The following FOXP1 variants were observed in gnomAD, a reference collection of about 807,000 sequenced individuals.
FOXP1 encodes the protein forkhead box protein P1.
In FOXP1, 15 loss-of-function variants were observed where a neutral mutation model predicts 98.2. The ratio of observed to expected loss-of-function variants is 0.15; its 90% CI spans 0.10 to 0.24. FOXP1 has a LOEUF of 0.24. Ranked by LOEUF, FOXP1 falls within the 10% of genes least tolerant of loss-of-function variation. The pLI is 1.00. For synonymous variants in FOXP1, 371 were observed against 314.5 expected (o/e 1.18, Z -1.90); for missense variants, 633 against 848.5 (o/e 0.75, Z 3.15).
chr3:71,008,080 T>C lies in FOXP1; in HGVS notation c.975-7021A>G, dbSNP rs189987634. ...GCAAGGATACAAATGATACTTTTAG[T>C]AGACGTTATACAAGTGGTCACTTAA... is the stretch of plus-strand genomic sequence containing the variant. On this transcript the variant is annotated intron_variant, in intron 12 of 20. Transcript: ENST00000649528. 7.9e-5 allele frequency among the ~76,000 whole-genome samples: 12 copies of C among 152,302 alleles called. No individual in the cohort carries two copies. In the East Asian group the frequency reaches 2.3e-3, roughly 29 times the overall value.
intron 17 of FOXP1, among the ~76,000 whole-genome samples, chr3:70,973,248 C>CCGCCCT (rs1203079049): frequency 2.0e-5 from 3 of 149,710 alleles, no homozygotes; most frequent in Admixed American, 1.3e-4. Flanking sequence ...GCCCCCGCCC[C>CCGCCCT]GCCCCGCCCC....
chr3:71,310,373 G>C (rs941640799), intron 4 of FOXP1, among the ~76,000 whole-genome samples: 2 of 152,158 alleles, frequency 1.3e-5, no homozygotes, highest in African/African-American at 4.8e-5. Flanking sequence ...ATCTCAGTTT[G>C]GGTAAAACCA....
At chr3:71,196,554 A>C (rs2063314557) in intron 6 of FOXP1, among the ~76,000 whole-genome samples, 1 of 152,234 alleles carries the variant, frequency 6.6e-6, no homozygotes, top group African/African-American at 2.4e-5. Flanking sequence ...TAGTAGCCCC[A>C]TATCAAGTGC....
intron 2 of FOXP1, among the ~76,000 whole-genome samples, chr3:71,530,261 G>A (rs527399657): frequency 6.2e-4 from 94 of 152,122 alleles, no homozygotes; most frequent in African/African-American, 2.0e-3. Context: ...TTGTCACCTC[G>A]GGAGTGGGTT....
intron 5 of FOXP1, among the ~76,000 whole-genome samples, chr3:71,242,262 C>T (rs1380923308): frequency 2.6e-5 from 4 of 152,172 alleles, no homozygotes; most frequent in Admixed American, 1.3e-4. Context: ...TTTTTTTCCT[C>T]ATTCCAGCCC....
intron 11 of FOXP1, among the ~76,000 whole-genome samples, chr3:71,033,271 T>TG (rs1490380176): frequency 6.6e-6 from 1 of 151,868 alleles, no homozygotes; most frequent in Non-Finnish European, 1.5e-5. Context: ...GTGAAAGAAA[T>TG]GGGGGGTCCA....
chr3:71,545,239 C>CT (rs1404075860), intron 2 of FOXP1, among the ~76,000 whole-genome samples: 28 of 152,284 alleles, frequency 1.8e-4, no homozygotes, highest in African/African-American at 5.8e-4. Flanking sequence ...CAGCCACTTT[C>CT]TAGTTGAGTA....
intron 2 of FOXP1, among the ~76,000 whole-genome samples, chr3:71,558,371 C>T (rs1237133503): frequency 6.6e-6 from 1 of 152,216 alleles, no homozygotes; most frequent in Non-Finnish European, 1.5e-5. Context: ...TTAAGCCAAT[C>T]AGGGAATGAC....
intron 3 of FOXP1, among the ~76,000 whole-genome samples, chr3:71,397,901 G>A (rs1202595968): frequency 6.6e-6 from 1 of 152,106 alleles, no homozygotes; most frequent in Non-Finnish European, 1.5e-5. Flanking sequence ...CATTTTACAG[G>A]GATGCAAGGG....
chr3:71,488,804 C>T (rs1349325371), intron 3 of FOXP1, among the ~76,000 whole-genome samples: 10 of 152,218 alleles, frequency 6.6e-5, no homozygotes, highest in Admixed American at 5.2e-4. Context: ...AATCTAGCCT[C>T]TCTTTATGGT....
upstream of FOXP1, chr3:71,583,888 G>A (rs1415808325): frequency 2.0e-6 from 2 of 984,966 alleles, no homozygotes; most frequent in Admixed American, 6.2e-5. Context: ...TCCCGCAGGG[G>A]TCCCCTCTCC....
intron 5 of FOXP1, among the ~76,000 whole-genome samples, chr3:71,238,385 C>T (rs529467842): frequency 2.6e-5 from 4 of 152,066 alleles, no homozygotes; most frequent in Admixed American, 2.6e-4. Flanking sequence ...ACACTACTGC[C>T]GTTCAATAAA....
chr3:71,124,343 C>A (rs1314884926), intron 6 of FOXP1, among the ~76,000 whole-genome samples: 1 of 149,130 alleles, frequency 6.7e-6, no homozygotes, highest in Non-Finnish European at 1.5e-5. Context: ...TTTTTTTCCT[C>A]TCTGGAGAGA....
chr3:71,302,545 G>GTTTT (rs2073938318), intron 4 of FOXP1, among the ~76,000 whole-genome samples: 1 of 142,238 alleles, frequency 7.0e-6, no homozygotes, highest in Non-Finnish European at 1.5e-5. Context: ...AAAGATAAAA[G>GTTTT]AAATACATTC....
At chr3:71,493,274 G>C (rs1239619857) in intron 3 of FOXP1, among the ~76,000 whole-genome samples, 152 bp downstream of exon 3, 1 of 152,114 alleles carries the variant, frequency 6.6e-6, no homozygotes, top group Non-Finnish European at 1.5e-5. Context: ...ATCACCGCAG[G>C]AATTATCTGA....
chr3:71,519,464 G>C (rs966182753), intron 2 of FOXP1, among the ~76,000 whole-genome samples: 16 of 152,086 alleles, frequency 1.1e-4, no homozygotes, highest in African/African-American at 3.9e-4. Flanking sequence ...AAATGCCAAA[G>C]CACAGAGCCT....
chr3:71,371,087 AC>A lies in FOXP1; in HGVS notation c.-167-11844del, dbSNP rs1490314039. 7.9e-5 allele frequency among the ~76,000 whole-genome samples: 12 copies of A among 151,954 alleles called. No homozygotes were observed. In the South Asian group the frequency reaches 2.5e-3, roughly 32 times the overall value. ...CGTGAACCACTGCGCCTGGCCCCCA[AC>A]CCCAGAGTTTCTGATTCACTATGGC... On this transcript the variant is annotated intron_variant, in intron 3 of 20. Transcript: ENST00000649528.
At chr3:71,526,979 A>G (rs2107505469) in intron 2 of FOXP1, among the ~76,000 whole-genome samples, 1 of 152,162 alleles carries the variant, frequency 6.6e-6, no homozygotes, top group African/African-American at 2.4e-5. Context: ...AAAAAAAAAA[A>G]AAAAAAAGTT....
intron 6 of FOXP1, among the ~76,000 whole-genome samples, chr3:71,148,189 C>T (rs966180528): frequency 6.6e-6 from 1 of 152,152 alleles, no homozygotes; most frequent in Admixed American, 6.5e-5. Context: ...CCAGCCTGGC[C>T]AACATGGCGA....
Sources: gnomAD v4.1 joint callset for allele counts (sites outside exome capture counted in the v4.1 genomes callset) on GRCh38, gnomAD v4.1.1 for gene constraint, MANE v1.5 for transcripts, NCBI Gene and HGNC (gene_info 2026-07-23, HGNC 2026-07-21) for gene names.